NRXN1: variants seen among roughly 807,000 people sequenced by gnomAD.
NRXN1 encodes the protein neurexin 1.
NRXN1 carries 39 observed loss-of-function variants against 150.9 expected under a neutral mutation model. The observed-to-expected ratio is 0.26, with a 90% CI of 0.20 to 0.34. The LOEUF is 0.34. Among genes scored for constraint, NRXN1 ranks in the 10% least tolerant of loss-of-function variants. The pLI, the probability that NRXN1 is intolerant of heterozygous loss-of-function variation, is 1.00. For synonymous variants in NRXN1, 924 were observed against 757.0 expected, an observed-to-expected ratio of 1.22 and a Z score of -3.62; for missense variants, 1,815 against 1,949.9, an observed-to-expected ratio of 0.93 and a Z score of 1.30.
At chr2:50,943,079 G>A (rs1046522751) in intron 2 of NRXN1, among the ~76,000 whole-genome samples, 1 of 151,956 alleles carries the variant, frequency 6.6e-6, no homozygotes, top group Admixed American at 6.6e-5. Flanking sequence ...ATAAGTATGT[G>A]GCTCTTCTCC....
intron 19 of NRXN1, among the ~76,000 whole-genome samples, chr2:50,060,589 C>T: frequency 6.6e-6 from 1 of 152,100 alleles, no homozygotes; most frequent in East Asian, 1.9e-4. Context: ...GCTGTGTCCC[C>T]ACCCAAATCT....
rs193200904 is a variant in NRXN1 at position 50,334,512 on chromosome 2, A to G, written c.3365-97542T>C. On this transcript the variant is annotated intron_variant, in intron 17 of 22. Coordinates refer to ENST00000401669, the MANE Select transcript of NRXN1 (RefSeq NM_001330078.2). Reference sequence around the variant, plus strand: ...CTTTTACTGATTCCCTTGCTGGAAAATGTATCTCTGATTTCTAAATACCTA... The same window carrying G: ...CTTTTACTGATTCCCTTGCTGGAAAGTGTATCTCTGATTTCTAAATACCTA... 6.2e-3 allele frequency among the ~76,000 whole-genome samples: 937 copies of G among 152,208 alleles called. 7 individuals are homozygous for G. Among genetic ancestry groups the G allele is most frequent in the Middle Eastern group, 0.017 (5 of 294 alleles).
chr2:50,711,647 A>G (rs1243757897), intron 5 of NRXN1, among the ~76,000 whole-genome samples: 1 of 151,918 alleles, frequency 6.6e-6, no homozygotes, highest in East Asian at 1.9e-4. Flanking sequence ...CAGGTAATGG[A>G]CTTTGAGTAT....
intron 13 of NRXN1, among the ~76,000 whole-genome samples, chr2:50,500,013 C>T (rs2091865702): frequency 6.6e-6 from 1 of 151,406 alleles, no homozygotes; most frequent in Admixed American, 6.6e-5. Context: ...TATTCTATGC[C>T]ACATTAAAAT....
At chr2:50,116,370 C>T (rs1308254194) in intron 18 of NRXN1, among the ~76,000 whole-genome samples, 2 of 151,918 alleles carry the variant, frequency 1.3e-5, no homozygotes, top group Admixed American at 6.6e-5. Flanking sequence ...AAACACAACA[C>T]GTTATCAATT....
intron 17 of NRXN1, among the ~76,000 whole-genome samples, chr2:50,357,285 C>CATTT (rs149751076): frequency 5.7e-5 from 8 of 140,878 alleles, no homozygotes; most frequent in East Asian, 2.1e-4. Context: ...ATAAATAATA[C>CATTT]ATTTATTTAT....
chr2:50,265,524 G>C (rs2068741712), intron 17 of NRXN1, among the ~76,000 whole-genome samples: 1 of 152,170 alleles, frequency 6.6e-6, no homozygotes, highest in African/African-American at 2.4e-5. Context: ...AAGTGTTACT[G>C]TATTACCACA....
intron 5 of NRXN1, among the ~76,000 whole-genome samples, chr2:50,856,341 T>G (rs1675270476): frequency 6.6e-6 from 1 of 152,030 alleles, no homozygotes; most frequent in Non-Finnish European, 1.5e-5. Context: ...CCTCCTAGCT[T>G]GAAAGCAAGA....
chr2:50,722,709 T>C (rs1696835443), intron 5 of NRXN1, among the ~76,000 whole-genome samples: 1 of 152,192 alleles, frequency 6.6e-6, no homozygotes, highest in Non-Finnish European at 1.5e-5. Flanking sequence ...AAACATTCAA[T>C]ACAGTTTAAA....
At chr2:50,575,632 A>G (rs1217511251) in intron 8 of NRXN1, among the ~76,000 whole-genome samples, 3 of 152,214 alleles carry the variant, frequency 2.0e-5, no homozygotes, top group African/African-American at 7.2e-5. Context: ...AAAAATAGAT[A>G]TTAGAGTTTC....
intron 2 of NRXN1, among the ~76,000 whole-genome samples, chr2:50,965,062 C>A (rs1229279310): frequency 6.6e-6 from 1 of 151,280 alleles, no homozygotes; most frequent in Non-Finnish European, 1.5e-5. Context: ...ATTTCAGTAG[C>A]AATTAGGAGA....
chr2:50,740,280 C>T (rs1699273895), intron 5 of NRXN1, among the ~76,000 whole-genome samples: 1 of 152,098 alleles, frequency 6.6e-6, no homozygotes, highest in Non-Finnish European at 1.5e-5. Context: ...GCCAATGACA[C>T]TGGAGGAAAA....
intron 1 of NRXN1, among the ~76,000 whole-genome samples, chr2:51,030,281 G>A (rs553387642): frequency 1.3e-5 from 2 of 151,446 alleles, no homozygotes; most frequent in South Asian, 4.2e-4. Flanking sequence ...ATACACACAT[G>A]CACACACACA....
chr2:50,424,287 GGAA>G (rs1458611379), intron 17 of NRXN1, among the ~76,000 whole-genome samples: 4 of 85,248 alleles, frequency 4.7e-5, no homozygotes, highest in African/African-American at 2.1e-4. Context: ...GGGAGGGGGA[GGAA>G]GAAGAAGGAG....
intron 21 of NRXN1, among the ~76,000 whole-genome samples, chr2:49,948,541 A>G (rs1236236819): frequency 6.6e-6 from 1 of 152,088 alleles, no homozygotes. Flanking sequence ...AAAGACCTCA[A>G]ATCAATAGAT....
chr2:50,072,907 T>C (rs1696518606), intron 19 of NRXN1, among the ~76,000 whole-genome samples: 1 of 152,138 alleles, frequency 6.6e-6, no homozygotes, highest in Non-Finnish European at 1.5e-5. Context: ...TCCCCTATAT[T>C]TCCTAAGAAA....
At chr2:50,479,063 A>G (rs1307088826) in intron 15 of NRXN1, among the ~76,000 whole-genome samples, 1 of 152,178 alleles carries the variant, frequency 6.6e-6, no homozygotes, top group African/African-American at 2.4e-5. Flanking sequence ...ACCTTTCTGT[A>G]TCATCTAAAT....
chr2:49,968,650 T>C (rs902022387), intron 21 of NRXN1, among the ~76,000 whole-genome samples: 1 of 152,084 alleles, frequency 6.6e-6, no homozygotes, highest in Non-Finnish European at 1.5e-5. Flanking sequence ...GGATAACTAG[T>C]GCTGCTCAAA....
intron 17 of NRXN1, among the ~76,000 whole-genome samples, chr2:50,329,613 GTGTGTATATATATA>G (rs2076642455): frequency 3.7e-4 from 7 of 18,704 alleles, no homozygotes; most frequent in Non-Finnish European, 5.7e-4. Flanking sequence ...GTGTGTGTGT[GTGTGTATATATATA>G]TATATATATA....
Sources: allele counts gnomAD v4.1 joint callset (sites outside exome capture counted in the v4.1 genomes callset), GRCh38; gene constraint gnomAD v4.1.1; transcripts MANE v1.5; gene names NCBI Gene and HGNC (gene_info 2026-07-23, HGNC 2026-07-21).